The following DUOX1 variants were observed in gnomAD, a reference collection of about 807,000 sequenced individuals.
DUOX1 encodes the protein NADPH thyroid oxidase 1.
In DUOX1, 134 loss-of-function variants were observed where a neutral mutation model predicts 181.8. The observed-to-expected ratio is 0.74, with a 90% CI of 0.64 to 0.85. The LOEUF (loss-of-function observed/expected upper bound fraction) is 0.85. Ranked by LOEUF, DUOX1 falls within the 40% of genes least tolerant of loss-of-function variation. DUOX1 has a pLI of 0.00. For missense variants in DUOX1, 1,814 were observed against 2,064.4 expected (o/e 0.88, Z 2.35); for synonymous variants, 798 against 832.5 (o/e 0.96, Z 0.71).
chr15:45,134,417 T>C, intron 4 of DUOX1, 108 bp downstream of exon 4: 2 of 1,252,502 alleles, frequency 1.6e-6, no homozygotes, highest in Non-Finnish European at 2.2e-6. Flanking sequence ...GCCTAAGGGA[T>C]GAGGGTGAGA....
At chr15:45,158,399 C>G (rs1355859303) in intron 28 of DUOX1, among the ~76,000 whole-genome samples, 1 of 152,034 alleles carries the variant, frequency 6.6e-6, no homozygotes, top group East Asian at 1.9e-4. Flanking sequence ...GAATGGGGAA[C>G]CAGAGTTCAG....
chr15:45,136,060 C>T, intron 7 of DUOX1, 112 bp downstream of exon 7: 3 of 1,512,022 alleles, frequency 2.0e-6, no homozygotes. Context: ...GAAACCCCTC[C>T]CCAGACAGCC....
At position 45,136,044 on chromosome 15, in the gene DUOX1, C is replaced by T. The variant is rs1595576583; in HGVS notation, c.864+96C>T. 5.5e-6 allele frequency: 8 copies of T among 1,442,878 alleles called. No individual in the cohort carries two copies. In the East Asian group the frequency reaches 1.5e-4, roughly 27 times the overall value. The allele number at this position is 1,442,878 out of a possible 1,614,324, so 89.4% of individuals were successfully genotyped here. A position where few individuals can be genotyped will look rare whatever the true frequency, so the allele number is the denominator to read the frequency against. Reference sequence around the variant, plus strand: ...GAGCTCCCCATCTGTGGACAACCGCCACCCAGAAACCCCTCCCCAGACAGC... The same window carrying T: ...GAGCTCCCCATCTGTGGACAACCGCTACCCAGAAACCCCTCCCCAGACAGC... On this transcript the variant is annotated intron_variant, in intron 7 of 33. Coordinates refer to ENST00000389037, the MANE Select transcript of DUOX1 (RefSeq NM_175940.3).
At chr15:45,132,809 G>A (rs1463834039) in intron 2 of DUOX1, among the ~76,000 whole-genome samples, 1 of 152,078 alleles carries the variant, frequency 6.6e-6, no homozygotes, top group Non-Finnish European at 1.5e-5. Context: ...TCCCCAAGAG[G>A]CGCTTTCCCT....
chr15:45,139,634 G>A, intron 12 of DUOX1, 35 bp downstream of exon 12: 1 of 1,349,286 alleles, frequency 7.4e-7, no homozygotes, highest in Non-Finnish European at 1.0e-6. Context: ...GGTAGGGCGG[G>A]AGGGACAAGG....
Position 45,151,214 on chromosome 15 carries a change from C to G in DUOX1, c.2980C>G (p.Pro994Ala). The G allele has an allele frequency of 6.2e-7, 1 of 1,614,164 alleles. No homozygotes were observed. Among genetic ancestry groups the G allele is most frequent in the Non-Finnish European group, 8.5e-7 (1 of 1,180,032 alleles). ...QRLQCPMDTD[P>A]PQEIRRRFGK... ...ACTGCAGTGCCCCATGGACACAGAC[C>G]CTCCCCAGGAGATTCGGCGGAGGTT... The change falls in exon 23 of 34, where the codon CCT (proline) becomes GCT (alanine). Residue 994 changes from proline to alanine, a missense_variant. Pro to Ala is a conservative substitution (Grantham distance 27). Coordinates refer to ENST00000389037, the MANE Select transcript of DUOX1 (RefSeq NM_175940.3).
chr15:45,141,998 C>G lies in DUOX1; in HGVS notation c.1708C>G (p.Gln570Glu), dbSNP rs371460881. The change falls in exon 15 of 34, where the codon CAG becomes GAG. Residue 570 changes from glutamine to glutamate, a missense_variant. Physicochemically the swap from Gln to Glu is conservative, Grantham distance 29. Around this residue, in one of 5 missense-constraint regions of DUOX1, gnomAD observed 1,064 missense variants for 1,152.9 expected, o/e 0.92. Transcript: ENST00000389037. ...AGGAGACCCCTGTCCGCAGCCGAGA[C>G]AGCTCAGCACTGAAGGCCTGCCAGC... ...HKGDPCPQPR[Q>E]LSTEGLPACA... The G allele has an allele frequency of 2.5e-6, 4 of 1,613,134 alleles. No homozygotes were observed. Among genetic ancestry groups the G allele is most frequent in the Non-Finnish European group, 3.4e-6 (4 of 1,179,832 alleles).
rs1201875214 is a variant in DUOX1, at chr15:45,135,501, G to T, written c.523G>T (p.Gly175Cys). 2 of 1,557,128 alleles carry T rather than the reference G, an allele frequency of 1.3e-6. No individual in the cohort carries two copies. The highest frequency in any genetic ancestry group is 1.2e-5 in the South Asian group (1 of 84,630). Residue 175 changes from glycine (G) to cysteine (C), a missense_variant, in exon 6 of 34, where the codon GGC becomes TGC. Coordinates refer to ENST00000389037, the MANE Select transcript of DUOX1 (RefSeq NM_175940.3). Reference protein sequence around the residue: ...PANQVTGWLDGSAIYGSSHSW... With the variant: ...PANQVTGWLDCSAIYGSSHSW... ...CAACCAGGTGACGGGCTGGCTGGAC[G>T]GCAGCGCCATCTATGGTTCCTCGCA...
chr15:45,163,708 A>C, intron 32 of DUOX1, 21 bp downstream of exon 32: 1 of 1,613,980 alleles, frequency 6.2e-7, no homozygotes, highest in South Asian at 1.1e-5. Flanking sequence ...GCCCACCAGG[A>C]GGGTATGCGG....
In DUOX1 at chr15:45,138,003, TG is replaced by T. The variant is rs1267564333; in HGVS notation, c.1104del (p.Trp368Ter). 6.2e-7 allele frequency: 1 copy of T among 1,608,686 alleles called. No individual in the cohort carries two copies. The highest frequency in any genetic ancestry group is 8.5e-7 in the Non-Finnish European group (1 of 1,176,816). The part of the protein sequence containing the change: ...SRALRVCNSY[W>X]SREHPSLQSA... ...AGCTCTCCGGGTCTGCAACAGCTAC[TG>T]GAGCCGTGAGGTCCGAGCTGGGGGC... On this transcript the variant is annotated frameshift_variant, in exon 10 of 34. Coordinates refer to ENST00000389037, the MANE Select transcript of DUOX1 (RefSeq NM_175940.3). LOFTEE classifies it high-confidence loss of function.
intron 4 of DUOX1, 77 bp downstream of exon 4, chr15:45,134,386 A>C: frequency 2.0e-6 from 3 of 1,468,164 alleles, no homozygotes; most frequent in Non-Finnish European, 2.7e-6. Context: ...GGGTCAGAGG[A>C]TGAGAGAGAA....
chr15:45,164,938 G>A lies in DUOX1; in HGVS notation c.*37G>A. 3 of 1,609,770 alleles carry A rather than the reference G, an allele frequency of 1.9e-6. No individual in the cohort carries two copies. Among genetic ancestry groups the A allele is most frequent in the Non-Finnish European group, 1.7e-6 (2 of 1,176,454 alleles). ...GGGGTTCTGCCCACTGCCCAGTTGA[G>A]CAGAGGTTTGAGCCCACACCTCACC... On this transcript the variant is annotated 3_prime_UTR_variant, in exon 34 of 34. Transcript: ENST00000389037.
chr15:45,131,077 C>T (rs574520316), intron 1 of DUOX1, among the ~76,000 whole-genome samples: 3 of 152,208 alleles, frequency 2.0e-5, no homozygotes, highest in Non-Finnish European at 4.4e-5. Context: ...ACAACCCATC[C>T]AGGAACCCTG....
intron 12 of DUOX1, chr15:45,140,124 G>T: frequency 8.8e-7 from 1 of 1,136,392 alleles, no homozygotes; most frequent in South Asian, 1.2e-5. Context: ...TGATGGTGCT[G>T]AACAGGGGTC....
chr15:45,136,444 G>C (rs1490107164), intron 8 of DUOX1, 34 bp downstream of exon 8: 2 of 1,614,140 alleles, frequency 1.2e-6, no homozygotes, highest in Non-Finnish European at 1.7e-6. Flanking sequence ...GGGAGGGCTT[G>C]CGTGTGTCTT....
intron 7 of DUOX1, 125 bp from the exon 8 acceptor site, chr15:45,136,225 T>C: frequency 1.4e-6 from 2 of 1,473,772 alleles, no homozygotes; most frequent in African/African-American, 2.8e-5. Context: ...CCTGTTTGAG[T>C]TGCTTCTCCC....
Position 45,134,214 on chromosome 15 carries a change from A to G in DUOX1, c.212A>G (p.His71Arg), listed in dbSNP as rs1052290442. The change falls in exon 4 of 34, where the codon CAC becomes CGC. Residue 71 changes from histidine to arginine, a missense_variant. This residue lies in a region of DUOX1 where 320 missense variants were observed against 313.1 expected (regional missense o/e 1.02). Coordinates refer to ENST00000389037, the MANE Select transcript of DUOX1 (RefSeq NM_175940.3). ...DGVYQPLGEP[H>R]LPNPRDLSNT... The stretch of plus-strand genomic sequence containing the variant: ...GTGTACCAGCCCTTGGGAGAACCCC[A>G]CCTGCCCAACCCCCGAGACCTTAGC... The G allele has an allele frequency of 3.9e-6, 6 of 1,557,476 alleles. No individual in the cohort carries two copies. Among genetic ancestry groups the G allele is most frequent in the Non-Finnish European group, 5.2e-6 (6 of 1,157,066 alleles).
At chr15:45,155,672 C>G in intron 27 of DUOX1, 130 bp from the exon 28 acceptor site, 10 of 1,320,948 alleles carry the variant, frequency 7.6e-6, no homozygotes, top group Non-Finnish European at 1.1e-5. Flanking sequence ...GGGGAGAGGA[C>G]CAGAGGAGAA....
At position 45,133,735 on chromosome 15, in the gene DUOX1, CA is replaced by C; in HGVS notation, c.59-128del. 5.2e-6 allele frequency: 4 copies of C among 767,990 alleles called. No individual in the cohort carries two copies. In the East Asian group the frequency reaches 1.0e-4, roughly 19 times the overall value. 47.6% of individuals were successfully genotyped at this position (767,990 alleles called of 1,614,324 possible). On this transcript the variant is annotated intron_variant, in intron 2 of 33. Transcript: ENST00000389037. ...GTTTTTCCCTCTGCACCCTACCTCT[CA>C]CATCCACTTCAGGTATCCACTTTCT... is the stretch of plus-strand genomic sequence containing the variant.
Sources: gnomAD v4.1 joint callset for allele counts (sites outside exome capture counted in the v4.1 genomes callset) on GRCh38, gnomAD v4.1.1 for gene constraint, gnomAD v4.1.1 regional missense constraint, MANE v1.5 for transcripts, NCBI Gene and HGNC (gene_info 2026-07-23, HGNC 2026-07-21) for gene names.